Variants in MPHOSPH10 observed in about 807,000 individuals in gnomAD.
MPHOSPH10 encodes the protein U3 small nucleolar ribonucleoprotein MPP10.
A neutral mutation model predicts 77.3 loss-of-function variants in MPHOSPH10; 33 were observed. The observed-to-expected ratio is 0.43, with a 90% CI of 0.32 to 0.57. MPHOSPH10 has a LOEUF of 0.57. MPHOSPH10 is among the 20% of genes least tolerant of loss of function. The pLI is 0.07. For missense variants in MPHOSPH10, 708 were observed against 780.1 expected (o/e 0.91, Z 1.10); for synonymous variants, 245 against 268.0 (o/e 0.91, Z 0.84).
At chr2:71,131,130 C>T (rs1013892611) in intron 1 of MPHOSPH10, among the ~76,000 whole-genome samples, 1 of 152,156 alleles carries the variant, frequency 6.6e-6, no homozygotes, top group Admixed American at 6.5e-5. Flanking sequence ...ACTTGTCTGT[C>T]CACCCCCCAT....
chr2:71,148,502 A>G lies in MPHOSPH10; in HGVS notation c.1665+396A>G, dbSNP rs58863326. 6,585 of 174,562 alleles carry G rather than the reference A, an allele frequency of 0.038. 740 individuals carry two copies. The East Asian group carries it at 0.43, about 11-fold the overall frequency. 10.8% of individuals were successfully genotyped at this position (174,562 alleles called of 1,614,324 possible). On this transcript the variant is annotated intron_variant, in intron 9 of 10. Coordinates refer to ENST00000244230, the MANE Select transcript of MPHOSPH10 (RefSeq NM_005791.3). ...CTAATTAGTAATGGAATCTGAATCT[A>G]GAATCGAGCATTTGGTTATCAGAAG...
At chr2:71,140,498 C>G (rs993750244) in intron 6 of MPHOSPH10, among the ~76,000 whole-genome samples, 1 of 152,196 alleles carries the variant, frequency 6.6e-6, no homozygotes, top group African/African-American at 2.4e-5. Flanking sequence ...CCCTGGTGAT[C>G]CAGTCACGTC....
At chr2:71,134,900 C>T (rs1402677095) in intron 4 of MPHOSPH10, 103 bp downstream of exon 4, 3 of 933,686 alleles carry the variant, frequency 3.2e-6, no homozygotes, top group South Asian at 3.3e-5. Flanking sequence ...GGTGCAGTGG[C>T]TCACGCCTGT....
At position 71,139,834 on chromosome 2, in the gene MPHOSPH10, A is replaced by G. The variant is rs536292890; in HGVS notation, c.1280A>G (p.Asp427Gly). Reference protein sequence around the residue: ...ITEETTLQLEDIIKQRIRDQA... With the variant: ...ITEETTLQLEGIIKQRIRDQA... ...GAGGAAACCACCCTTCAACTGGAAG[A>G]TATCATTAAACAGAGGATAAGAGAT... The change falls in exon 6 of 11, where the codon GAT (aspartate) becomes GGT (glycine). Residue 427 changes from aspartate to glycine, a missense_variant. Around this residue, in one of 3 missense-constraint regions of MPHOSPH10, gnomAD observed 263 missense variants for 320.0 expected, o/e 0.82. Transcript: ENST00000244230. 4.4e-6 allele frequency: 7 copies of G among 1,608,982 alleles called. No homozygotes were observed. The East Asian group carries it at 1.1e-4, about 26-fold the overall frequency.
In MPHOSPH10 at chr2:71,141,214, C is replaced by T. The variant is rs750433633; in HGVS notation, c.1309-18C>T. On this transcript the variant is annotated intron_variant, in intron 6 of 10. Coordinates refer to ENST00000244230, the MANE Select transcript of MPHOSPH10 (RefSeq NM_005791.3). ...AATTGTAGGTTTTGTTATGTTCTAC[C>T]TGCACTTTATGTTTCAGGCTTGGGA... is the stretch of plus-strand genomic sequence containing the variant. 1 of 1,392,924 alleles carries T rather than the reference C, an allele frequency of 7.2e-7. No individual in the cohort carries two copies. The highest frequency in any genetic ancestry group is 9.4e-7 in the Non-Finnish European group (1 of 1,067,604). The allele number at this position is 1,392,924 out of a possible 1,614,324, so 86.3% of individuals were successfully genotyped here. A position where few individuals can be genotyped will look rare whatever the true frequency, so the allele number is the denominator to read the frequency against.
chr2:71,136,942 ACACACAC>A (rs1673506893), intron 4 of MPHOSPH10, among the ~76,000 whole-genome samples: 1 of 149,164 alleles, frequency 6.7e-6, no homozygotes, highest in Admixed American at 6.7e-5. Context: ...ACACACACAC[ACACACAC>A]ACACACACAC....
intron 7 of MPHOSPH10, among the ~76,000 whole-genome samples, chr2:71,144,072 C>T (rs986988771): frequency 1.4e-4 from 21 of 152,206 alleles, no homozygotes; most frequent in Non-Finnish European, 2.5e-4. Flanking sequence ...ACAAGGGTTC[C>T]AGTTTCTCCA....
chr2:71,145,508 G>GGT (rs1289567898), intron 8 of MPHOSPH10, among the ~76,000 whole-genome samples: 2 of 108,862 alleles, frequency 1.8e-5, no homozygotes, highest in South Asian at 3.3e-4. Context: ...TTGTTTGTTT[G>GGT]GTTTTTTTTT....
chr2:71,136,848 C>CTTTTTTTTTTTTTT (rs60456435), intron 4 of MPHOSPH10, among the ~76,000 whole-genome samples: 1 of 118,644 alleles, frequency 8.4e-6, no homozygotes, highest in African/African-American at 3.2e-5. Context: ...AACTTTCAAC[C>CTTTTTTTTTTTTTT]TTTTTTTTTT....
At chr2:71,141,844 A>G (rs573297898) in intron 7 of MPHOSPH10, among the ~76,000 whole-genome samples, 13 of 152,228 alleles carry the variant, frequency 8.5e-5, no homozygotes, top group East Asian at 7.7e-4. Flanking sequence ...TGCCTGGCCA[A>G]CATAGTGAAA....
At position 71,133,033 on chromosome 2, in the gene MPHOSPH10, G is replaced by C. The variant is rs148413056; in HGVS notation, c.225G>C (p.Gln75His). ...TGATAGAAAATTTTGATGATGAGCA[G>C]ATTTGGCAACAACTGGAATTGCAAA... ...KLVIENFDDE[Q>H]IWQQLELQNE... Residue 75 changes from glutamine (Q) to histidine (H), a missense_variant, in exon 2 of 11, where the codon CAG becomes CAC. Coordinates refer to ENST00000244230, the MANE Select transcript of MPHOSPH10 (RefSeq NM_005791.3). 13 of 1,614,130 alleles carry C rather than the reference G, an allele frequency of 8.1e-6. No homozygotes were observed. Among genetic ancestry groups the C allele is most frequent in the Non-Finnish European group, 1.1e-5 (13 of 1,180,018 alleles).
chr2:71,147,888 T>C (rs1159074251), intron 8 of MPHOSPH10, 111 bp from the exon 9 acceptor site: 4 of 776,062 alleles, frequency 5.2e-6, no homozygotes, highest in Non-Finnish European at 8.2e-6. Context: ...AAAAAGATAA[T>C]CTCCATAAAG....
intron 4 of MPHOSPH10, among the ~76,000 whole-genome samples, chr2:71,137,758 T>C (rs144740585): frequency 1.2e-4 from 18 of 150,826 alleles, no homozygotes; most frequent in African/African-American, 4.4e-4. Context: ...GGAAACCGAA[T>C]GGATAAACTG....
At chr2:71,139,936 A>G in intron 6 of MPHOSPH10, 74 bp downstream of exon 6, 2 of 1,032,742 alleles carry the variant, frequency 1.9e-6, no homozygotes, top group Non-Finnish European at 2.9e-6. Context: ...GTACTTTGAG[A>G]GTAGGACTAT....
intron 8 of MPHOSPH10, among the ~76,000 whole-genome samples, chr2:71,144,957 C>A (rs1248500419): frequency 2.0e-5 from 3 of 152,138 alleles, no homozygotes; most frequent in African/African-American, 4.8e-5. Flanking sequence ...ATATTAGGTT[C>A]TTTACATACA....
chr2:71,136,913 A>AACACACACACACACAC (rs56768441), intron 4 of MPHOSPH10, among the ~76,000 whole-genome samples: 2 of 119,080 alleles, frequency 1.7e-5, no homozygotes, highest in Non-Finnish European at 3.3e-5. Flanking sequence ...GTAGCATTAA[A>AACACACACACACACAC]ACACACACAC....
chr2:71,131,552 C>A (rs1813504), intron 1 of MPHOSPH10, among the ~76,000 whole-genome samples: 124,761 of 152,138 alleles, frequency 0.82, 51,745 homozygotes, highest in East Asian at 1. Context: ...TTGTGTGAGC[C>A]ACAAGGCTGT....
chr2:71,144,002 C>T (rs962020424), intron 7 of MPHOSPH10, among the ~76,000 whole-genome samples: 4 of 152,198 alleles, frequency 2.6e-5, no homozygotes, highest in African/African-American at 4.8e-5. Context: ...TTTTTGAAGA[C>T]CTGCCAAGCT....
At chr2:71,134,480 TTAATAACTGAA>T (rs1397638484) in intron 3 of MPHOSPH10, 135 bp from the exon 4 acceptor site, 5 of 709,140 alleles carry the variant, frequency 7.1e-6, no homozygotes, top group Non-Finnish European at 1.1e-5. Context: ...CTTTTGTTCC[TTAATAACTGAA>T]TGATTTTGGA....
Sources: allele counts gnomAD v4.1 joint callset (sites outside exome capture counted in the v4.1 genomes callset), GRCh38; gene constraint gnomAD v4.1.1; regional missense constraint gnomAD v4.1.1; transcripts MANE v1.5; gene names NCBI Gene and HGNC (gene_info 2026-07-23, HGNC 2026-07-21).